PDE7A: variants seen among roughly 807,000 people sequenced by gnomAD.
PDE7A encodes high affinity 3',5'-cyclic-AMP phosphodiesterase 7A.
A neutral mutation model predicts 64.3 loss-of-function variants in PDE7A; 39 were observed. The ratio of observed to expected loss-of-function variants is 0.61; its 90% CI spans 0.47 to 0.79. The LOEUF is 0.79. Among genes scored for constraint, PDE7A ranks in the 30% least tolerant of loss-of-function variants. PDE7A has a pLI of 0.00. For missense variants in PDE7A, 470 were observed against 582.8 expected (o/e 0.81, Z 1.99); for synonymous variants, 203 against 206.8 (o/e 0.98, Z 0.16).
chr8:65,774,677 T>C (rs1809206649), intron 3 of PDE7A, among the ~76,000 whole-genome samples: 1 of 151,690 alleles, frequency 6.6e-6, no homozygotes, highest in African/African-American at 2.4e-5. Context: ...CAAAATTTAT[T>C]TGAAAATATC....
intron 3 of PDE7A, among the ~76,000 whole-genome samples, chr8:65,767,897 G>A (rs1197145946): frequency 6.6e-6 from 1 of 152,174 alleles, no homozygotes; most frequent in Admixed American, 6.5e-5. Flanking sequence ...AGAGGGTCCT[G>A]GGAACCGCAA....
At chr8:65,804,701 C>G (rs1399429053) in intron 1 of PDE7A, among the ~76,000 whole-genome samples, 1 of 151,806 alleles carries the variant, frequency 6.6e-6, no homozygotes, top group Non-Finnish European at 1.5e-5. Context: ...CCACACCAAG[C>G]TAGCTTTTTC....
At chr8:65,833,840 T>C (rs1182430746) in intron 1 of PDE7A, among the ~76,000 whole-genome samples, 1 of 152,042 alleles carries the variant, frequency 6.6e-6, no homozygotes, top group Non-Finnish European at 1.5e-5. Flanking sequence ...GGGGCATGCC[T>C]GTAGTCCCAG....
intron 1 of PDE7A, among the ~76,000 whole-genome samples, chr8:65,836,707 T>C (rs915077612): frequency 1.3e-5 from 2 of 152,196 alleles, no homozygotes; most frequent in African/African-American, 4.8e-5. Flanking sequence ...GCTCTGCCAA[T>C]TGAAAAGCTG....
chr8:65,802,416 C>G (rs1286255693), intron 1 of PDE7A, among the ~76,000 whole-genome samples: 1 of 152,232 alleles, frequency 6.6e-6, no homozygotes, highest in African/African-American at 2.4e-5. Context: ...TAGGAATTCT[C>G]TCTAGTCTGA....
chr8:65,746,073 A>G (rs1178008996), intron 4 of PDE7A, among the ~76,000 whole-genome samples: 1 of 151,656 alleles, frequency 6.6e-6, no homozygotes. Context: ...TGGGACTACA[A>G]GCATGTGTTA....
intron 1 of PDE7A, among the ~76,000 whole-genome samples, chr8:65,822,589 C>T (rs1810568897): frequency 6.6e-6 from 1 of 152,228 alleles, no homozygotes; most frequent in African/African-American, 2.4e-5. Context: ...ACCAAACATA[C>T]TGAAGTCGGA....
rs1385259497 is a variant in PDE7A, at chr8:65,814,494, G to A, written c.138+26877C>T. The stretch of plus-strand genomic sequence containing the variant: ...CCACTGCACTCCAGCCTGGGCGACA[G>A]AGCGAGACTCCGTCTCAAAAAAAAA... On this transcript the variant is annotated intron_variant, in intron 1 of 12. Coordinates refer to ENST00000401827, the MANE Select transcript of PDE7A (RefSeq NM_001242318.3). 2.8e-3 allele frequency among the ~76,000 whole-genome samples: 288 copies of A among 101,956 alleles called. 2 individuals are homozygous for A. Among genetic ancestry groups the A allele is most frequent in the Middle Eastern group, 0.013 (1 of 80 alleles). 66.9% of individuals were successfully genotyped at this position (101,956 alleles called of 152,430 possible).
chr8:65,796,220 G>A (rs1021871355), intron 1 of PDE7A, among the ~76,000 whole-genome samples: 2 of 151,272 alleles, frequency 1.3e-5, no homozygotes, highest in Non-Finnish European at 2.9e-5. Flanking sequence ...GAATGTAAAA[G>A]ATAGCAAACA....
intron 5 of PDE7A, among the ~76,000 whole-genome samples, chr8:65,744,241 A>T (rs78379235): frequency 0.039 from 5,968 of 152,298 alleles, 173 homozygotes; most frequent in Non-Finnish European, 0.06. Context: ...AAAACAACAA[A>T]AAAAAACAGG....
At position 65,715,020 on chromosome 8, in the gene PDE7A, C is replaced by CT. The variant is rs1369319598; in HGVS notation, c.*4269dup. Reference sequence around the variant, plus strand: ...TTGTCAAAATTTTCTCTCCAAGGACCTTTTACTCCTAGAGCAGAGACTCCC... The same window carrying CT: ...TTGTCAAAATTTTCTCTCCAAGGACCTTTTTACTCCTAGAGCAGAGACTCCC... On this transcript the variant is annotated 3_prime_UTR_variant, in exon 13 of 13. Coordinates refer to ENST00000401827, the MANE Select transcript of PDE7A (RefSeq NM_001242318.3). Among the ~76,000 whole-genome samples the CT allele has an allele frequency of 6.6e-6, 1 of 152,034 alleles. No homozygotes were observed. The highest frequency in any genetic ancestry group is 1.5e-5 in the Non-Finnish European group (1 of 68,004).
intron 1 of PDE7A, chr8:65,838,824 C>T (rs1811010490): frequency 6.6e-6 from 1 of 152,174 alleles, no homozygotes; most frequent in Non-Finnish European, 1.5e-5. Flanking sequence ...GCCTCCCACC[C>T]CACTTCAAAT....
intron 3 of PDE7A, among the ~76,000 whole-genome samples, chr8:65,754,245 C>A (rs1808109323): frequency 6.6e-6 from 1 of 151,946 alleles, no homozygotes; most frequent in African/African-American, 2.4e-5. Flanking sequence ...TAGATGGTGC[C>A]CCCCCGCCCC....
intron 1 of PDE7A, among the ~76,000 whole-genome samples, chr8:65,835,140 A>C (rs1396426361): frequency 6.6e-6 from 1 of 152,252 alleles, no homozygotes; most frequent in African/African-American, 2.4e-5. Context: ...ATTCAAATTA[A>C]CCATAAAAGA....
chr8:65,816,322 C>G (rs907953018), intron 1 of PDE7A, among the ~76,000 whole-genome samples: 1 of 152,146 alleles, frequency 6.6e-6, no homozygotes, highest in Non-Finnish European at 1.5e-5. Context: ...GACGAATGTG[C>G]AGAAGGTAAT....
chr8:65,832,369 G>C (rs1810848981), intron 1 of PDE7A, among the ~76,000 whole-genome samples: 2 of 151,966 alleles, frequency 1.3e-5, no homozygotes, highest in Non-Finnish European at 2.9e-5. Flanking sequence ...GATAAATAAT[G>C]GGATGAATAA....
At chr8:65,763,554 A>C (rs1450368602) in intron 3 of PDE7A, among the ~76,000 whole-genome samples, 1 of 134,574 alleles carries the variant, frequency 7.4e-6, no homozygotes, top group Non-Finnish European at 1.5e-5. Flanking sequence ...AACAAGAGTG[A>C]AACTCCGTCT....
chr8:65,823,530 T>C (rs1444591165), intron 1 of PDE7A, among the ~76,000 whole-genome samples: 2 of 152,186 alleles, frequency 1.3e-5, no homozygotes, highest in Non-Finnish European at 1.5e-5. Flanking sequence ...ATACTTGATT[T>C]AGGGGGAGAT....
intron 12 of PDE7A, chr8:65,721,797 ATTTTTTTTTTTTT>A (rs57656696): frequency 1.6e-5 from 2 of 125,410 alleles, no homozygotes; most frequent in Non-Finnish European, 3.3e-5. Context: ...TCTTTTGTCC[ATTTTTTTTTTTTT>A]TTTTTTTTGA....
Sources: allele counts gnomAD v4.1 joint callset (sites outside exome capture counted in the v4.1 genomes callset), GRCh38; gene constraint gnomAD v4.1.1; transcripts MANE v1.5; gene names NCBI Gene and HGNC (gene_info 2026-07-23, HGNC 2026-07-21).